The following ADAMTSL1 variants were observed in gnomAD, a reference collection of about 807,000 sequenced individuals.
ADAMTSL1 encodes ADAMTS-like protein 1.
A neutral mutation model predicts 201.8 loss-of-function variants in ADAMTSL1; 126 were observed. The observed-to-expected ratio is 0.62, with a 90% CI of 0.54 to 0.72. The LOEUF (loss-of-function observed/expected upper bound fraction) is 0.72, where lower values mean the gene tolerates loss of function less well. Ranked by LOEUF, ADAMTSL1 falls within the 30% of genes least tolerant of loss-of-function variation. ADAMTSL1 has a pLI of 0.00. For synonymous variants in ADAMTSL1, 1,121 were observed against 903.4 expected, an observed-to-expected ratio of 1.24 and a Z score of -4.32; for missense variants, 2,679 against 2,277.8, an observed-to-expected ratio of 1.18 and a Z score of -3.59.
chr9:18,164,650 A>G (rs1827553897), intron 2 of ADAMTSL1, among the ~76,000 whole-genome samples: 1 of 151,852 alleles, frequency 6.6e-6, no homozygotes. Context: ...TTAGGCTCAG[A>G]AGTATTCATA....
intron 2 of ADAMTSL1, among the ~76,000 whole-genome samples, chr9:18,307,664 A>C (rs897348898): frequency 3.3e-5 from 5 of 152,176 alleles, no homozygotes; most frequent in African/African-American, 1.2e-4. Flanking sequence ...ATATATATGC[A>C]CCCAATACAG....
chr9:18,350,872 T>C (rs1835935918), intron 2 of ADAMTSL1, among the ~76,000 whole-genome samples: 1 of 152,152 alleles, frequency 6.6e-6, no homozygotes. Context: ...TATGATATTC[T>C]CAAATTTTTC....
chr9:18,343,561 G>A (rs115238621), intron 2 of ADAMTSL1, among the ~76,000 whole-genome samples: 2,667 of 152,230 alleles, frequency 0.018, 43 homozygotes, highest in African/African-American at 0.047. Context: ...GGTAGTCAGT[G>A]CAATTGAACT....
At chr9:17,917,010 T>C (rs746323018) in intron 1 of ADAMTSL1, among the ~76,000 whole-genome samples, 6 of 152,156 alleles carry the variant, frequency 3.9e-5, no homozygotes, top group Non-Finnish European at 8.8e-5. Context: ...ATATTTCATA[T>C]GTTATGCTTT....
intron 1 of ADAMTSL1, among the ~76,000 whole-genome samples, chr9:17,932,334 T>A (rs1437672182): frequency 6.6e-6 from 1 of 152,182 alleles, no homozygotes; most frequent in East Asian, 1.9e-4. Context: ...GTCCCGGGTA[T>A]GGAGCAGATA....
chr9:18,181,758 A>G (rs1289244779), intron 2 of ADAMTSL1, among the ~76,000 whole-genome samples: 3 of 151,452 alleles, frequency 2.0e-5, no homozygotes, highest in Non-Finnish European at 4.4e-5. Flanking sequence ...AACTAGAAAT[A>G]CCATTTGACC....
intron 4 of ADAMTSL1, among the ~76,000 whole-genome samples, chr9:18,590,488 G>A (rs1040898917): frequency 4.6e-5 from 7 of 151,578 alleles, no homozygotes; most frequent in Admixed American, 4.6e-4. Flanking sequence ...TTGACCTTTT[G>A]TATTAGTTTT....
At chr9:18,743,329 A>T (rs1490802410) in intron 15 of ADAMTSL1, among the ~76,000 whole-genome samples, 2 of 152,198 alleles carry the variant, frequency 1.3e-5, no homozygotes, top group Non-Finnish European at 1.5e-5. Flanking sequence ...TAAAGGAAGT[A>T]GGTTTAGATG....
intron 2 of ADAMTSL1, among the ~76,000 whole-genome samples, chr9:18,418,643 A>T (rs902519877): frequency 6.6e-6 from 1 of 152,228 alleles, no homozygotes; most frequent in Admixed American, 6.5e-5. Flanking sequence ...CAAAATATGT[A>T]TGGGATCTGC....
intron 20 of ADAMTSL1, among the ~76,000 whole-genome samples, chr9:18,807,432 C>T (rs1363886920): frequency 6.6e-6 from 1 of 152,006 alleles, no homozygotes; most frequent in Non-Finnish European, 1.5e-5. Flanking sequence ...ATCACGAGGT[C>T]AGGAGATCGA....
intron 1 of ADAMTSL1, among the ~76,000 whole-genome samples, chr9:18,043,560 T>C (rs574638875): frequency 2.0e-5 from 3 of 152,190 alleles, no homozygotes; most frequent in African/African-American, 7.2e-5. Flanking sequence ...CTAGATGGCC[T>C]AGGCCTAACC....
intron 1 of ADAMTSL1, among the ~76,000 whole-genome samples, chr9:17,917,736 C>T (rs1399237557): frequency 6.6e-6 from 1 of 151,934 alleles, no homozygotes; most frequent in Non-Finnish European, 1.5e-5. Context: ...TTTCAACTTT[C>T]TGCAATCTCT....
In ADAMTSL1 at chr9:18,325,785, G is replaced by C. The variant is rs144407470; in HGVS notation, c.207+161804G>C. On this transcript the variant is annotated intron_variant, in intron 2 of 29. Transcript: ENST00000680146. ...AAACAGAGTTTTGCTCTTTGGCTTAGGCTGGAATGAAGTGATGCAATCTCT... is the reference window on the plus strand; with the variant it reads ...AAACAGAGTTTTGCTCTTTGGCTTACGCTGGAATGAAGTGATGCAATCTCT... Among the ~76,000 whole-genome samples the C allele has an allele frequency of 6.3e-3, 951 of 151,424 alleles. 15 individuals carry two copies. Among genetic ancestry groups the C allele is most frequent in the Middle Eastern group, 6.8e-3 (2 of 292 alleles).
intron 1 of ADAMTSL1, among the ~76,000 whole-genome samples, chr9:18,110,563 G>A: frequency 6.6e-6 from 1 of 152,088 alleles, no homozygotes; most frequent in Non-Finnish European, 1.5e-5. Context: ...GCTTTGAGGG[G>A]TCTTTTTGAG....
chr9:18,051,079 A>G (rs1011394157), intron 1 of ADAMTSL1, among the ~76,000 whole-genome samples: 2 of 152,226 alleles, frequency 1.3e-5, no homozygotes, highest in African/African-American at 4.8e-5. Flanking sequence ...AGGCGGGCAG[A>G]TCATGAGGTC....
intron 1 of ADAMTSL1, among the ~76,000 whole-genome samples, chr9:17,979,695 T>G (rs910609709): frequency 6.6e-6 from 1 of 152,184 alleles, no homozygotes; most frequent in African/African-American, 2.4e-5. Context: ...CTGTAATTCT[T>G]GATTCTGCTT....
chr9:18,740,782 G>C (rs1364998885), intron 15 of ADAMTSL1, among the ~76,000 whole-genome samples: 3 of 152,028 alleles, frequency 2.0e-5, no homozygotes, highest in Non-Finnish European at 4.4e-5. Context: ...CGGCCTCAAT[G>C]TTCTTTCTAG....
chr9:18,202,682 T>G (rs761897617), intron 2 of ADAMTSL1, among the ~76,000 whole-genome samples: 5 of 152,174 alleles, frequency 3.3e-5, no homozygotes, highest in Non-Finnish European at 5.9e-5. Flanking sequence ...TCCTAGCACC[T>G]GTAACACTTC....
chr9:18,857,788 T>C (rs1429738460), intron 23 of ADAMTSL1, among the ~76,000 whole-genome samples: 1 of 152,220 alleles, frequency 6.6e-6, no homozygotes, highest in Admixed American at 6.5e-5. Flanking sequence ...CAATGGGCTA[T>C]AATCTATGCT....
Sources: allele counts gnomAD v4.1 joint callset (sites outside exome capture counted in the v4.1 genomes callset), GRCh38; gene constraint gnomAD v4.1.1; transcripts MANE v1.5; gene names NCBI Gene and HGNC (gene_info 2026-07-23, HGNC 2026-07-21).